The following RAPSN variants were observed in gnomAD, a reference collection of about 807,000 sequenced individuals.
RAPSN encodes the protein 43 kDa receptor-associated protein of the synapse.
RAPSN carries 33 observed loss-of-function variants against 45.7 expected under a neutral mutation model. The observed-to-expected ratio is 0.72, with a 90% CI of 0.55 to 0.97. The LOEUF (loss-of-function observed/expected upper bound fraction) is 0.97, where lower values mean the gene tolerates loss of function less well. Among genes scored for constraint, RAPSN ranks in the 50% least tolerant of loss-of-function variants. The pLI is 0.00. For synonymous variants in RAPSN, 244 were observed against 233.6 expected (o/e 1.04, Z -0.40); for missense variants, 519 against 559.4 (o/e 0.93, Z 0.73).
chr11:47,439,987 G>A (rs951690878), intron 6 of RAPSN, among the ~76,000 whole-genome samples: 33 of 152,054 alleles, frequency 2.2e-4, no homozygotes, highest in Non-Finnish European at 1.3e-4. Context: ...ACCGCACCCG[G>A]CCTTGGTTTT....
rs1297914613 is a variant in RAPSN, at chr11:47,441,883, T to C, written c.729A>G (p.Pro243=). The change falls in exon 4 of 8, where the codon CCA becomes CCG. Residue 243 remains proline (P), a synonymous_variant. Transcript: ENST00000298854. ...AGCAGAGCAGGCAGAGCGCCTGCAGTGGCCGGTCCCCGTGCTGCAGCGCGA... is the reference window on the plus strand; with the variant it reads ...AGCAGAGCAGGCAGAGCGCCTGCAGCGGCCGGTCCCCGTGCTGCAGCGCGA... The part of the protein sequence containing the change: ...MKIALQHGDR[P]LQALCLLCFA... 5.0e-6 allele frequency: 8 copies of C among 1,594,242 alleles called. No homozygotes were observed. In the African/African-American group the frequency reaches 6.7e-5, roughly 13 times the overall value.
intron 5 of RAPSN, 113 bp downstream of exon 5, chr11:47,441,498 G>A (rs1237992701): frequency 6.5e-7 from 1 of 1,542,136 alleles, no homozygotes; most frequent in South Asian, 1.2e-5. Context: ...TGGCCTCGTA[G>A]GATCAGGGTG....
chr11:47,439,486 A>G (rs2076346264), intron 6 of RAPSN, among the ~76,000 whole-genome samples: 1 of 151,948 alleles, frequency 6.6e-6, no homozygotes, highest in Non-Finnish European at 1.5e-5. Context: ...AAAAAAAATA[A>G]TAATTAATCT....
chr11:47,447,094 G>A (rs1047827632), intron 2 of RAPSN, among the ~76,000 whole-genome samples: 2 of 152,112 alleles, frequency 1.3e-5, no homozygotes, highest in Admixed American at 6.6e-5. Flanking sequence ...CCAGGGTCCA[G>A]CTTGGCTTTA....
chr11:47,442,833 G>A lies in RAPSN; in HGVS notation c.532-19C>T, dbSNP rs1422983787. On this transcript the variant is annotated intron_variant, in intron 2 of 7. Coordinates refer to ENST00000298854, the MANE Select transcript of RAPSN (RefSeq NM_005055.5). ...CGTAGTCCTGCAGGGGACATGGAAT[G>A]GAAGGAGGCAAACTGAGTGGCAGAG... 2.5e-6 allele frequency: 4 copies of A among 1,613,278 alleles called. No individual in the cohort carries two copies. Among genetic ancestry groups the A allele is most frequent in the Admixed American group, 1.7e-5 (1 of 60,022 alleles).
intron 2 of RAPSN, among the ~76,000 whole-genome samples, chr11:47,445,465 G>A (rs1270843764): frequency 2.0e-5 from 3 of 147,838 alleles, no homozygotes; most frequent in Non-Finnish European, 4.5e-5. Context: ...GCATAGTGGC[G>A]TGTGCCGGTA....
intron 2 of RAPSN, among the ~76,000 whole-genome samples, chr11:47,443,769 C>A (rs1293227359): frequency 6.6e-6 from 1 of 151,290 alleles, no homozygotes; most frequent in Admixed American, 6.6e-5. Context: ...CCTGTCTCTA[C>A]AAAAATAAAA....
chr11:47,442,751 C>A lies in RAPSN; in HGVS notation c.595G>T (p.Gly199Cys). 1 of 1,614,290 alleles carries A rather than the reference C, an allele frequency of 6.2e-7. No individual in the cohort carries two copies. The highest frequency in any genetic ancestry group is 1.1e-5 in the South Asian group (1 of 91,090). The change falls in exon 3 of 8, where the codon GGC (glycine) becomes TGC (cysteine). Residue 199 changes from glycine to cysteine, a missense_variant. Physicochemically the swap from Gly to Cys is radical, Grantham distance 159. Coordinates refer to ENST00000298854, the MANE Select transcript of RAPSN (RefSeq NM_005055.5). ...AAELVNNYGK[G>C]WSLKYRAMSQ... ...ATGGCCCGGTACTTCAGGCTCCAGCCTTTGCCATAGTTGTTGACAAGCTCT... is the reference window on the plus strand; with the variant it reads ...ATGGCCCGGTACTTCAGGCTCCAGCATTTGCCATAGTTGTTGACAAGCTCT...
At chr11:47,438,429 T>G (rs991460731) in intron 7 of RAPSN, 7 of 567,648 alleles carry the variant, frequency 1.2e-5, no homozygotes, top group Non-Finnish European at 2.2e-5. Context: ...TTCAAGTGAT[T>G]CTCCTGCCTC....
chr11:47,448,214 G>A (rs2076426075), intron 1 of RAPSN, 64 bp from the exon 2 acceptor site: 1 of 1,551,810 alleles, frequency 6.4e-7, no homozygotes. Flanking sequence ...ACCCCAGCCT[G>A]CACTGCAGGC....
At position 47,441,691 on chromosome 11, in the gene RAPSN, C is replaced by T. The variant is rs1418635230; in HGVS notation, c.832G>A (p.Glu278Lys). 7.5e-6 allele frequency: 12 copies of T among 1,609,702 alleles called. No homozygotes were observed. The East Asian group carries it at 2.7e-4, about 36-fold the overall frequency. The change falls in exon 5 of 8, where the codon GAG (glutamate) becomes AAG (lysine). Residue 278 changes from glutamate to lysine, a missense_variant. Glu to Lys is a moderately conservative substitution (Grantham distance 56). Coordinates refer to ENST00000298854, the MANE Select transcript of RAPSN (RefSeq NM_005055.5). Reference sequence around the variant, plus strand: ...ACCTGCCCCAGGCGGTTTCCGATCTCGGTCATGATGCTCATGGCGGAGTCG... The same window carrying T: ...ACCTGCCCCAGGCGGTTTCCGATCTTGGTCATGATGCTCATGGCGGAGTCG... ...RYDSAMSIMT[E>K]IGNRLGQVQA...
rs2076428705 is a variant in RAPSN at position 47,448,501 on chromosome 11, T to C, written c.192+272A>G. On this transcript the variant is annotated intron_variant, in intron 1 of 7. Transcript: ENST00000298854. ...CAGACAGGAAGGCTGAAACCTACAA[T>C]GGGCTTGAGACCCACAAACCCTCGA... 5.5e-5 allele frequency among the ~76,000 whole-genome samples: 7 copies of C among 127,812 alleles called. No homozygotes were observed. The Admixed American group carries it at 7.1e-4, about 13-fold the overall frequency. 83.8% of individuals were successfully genotyped at this position (127,812 alleles called of 152,430 possible).
rs2076432806 is a variant in RAPSN at position 47,448,917 on chromosome 11, C to T, written c.48G>A (p.Leu16=). 4 of 1,614,234 alleles carry T rather than the reference C, an allele frequency of 2.5e-6. No homozygotes were observed. The highest frequency in any genetic ancestry group is 3.4e-6 in the Non-Finnish European group (4 of 1,180,038). The change falls in exon 1 of 8, where the codon CTG becomes CTA. Residue 16 remains leucine (L), a synonymous_variant. Coordinates refer to ENST00000298854, the MANE Select transcript of RAPSN (RefSeq NM_005055.5). ...TKQQIEKGLQ[L]YQSNQTEKAL... ...CCTTCTCTGTCTGGTTGGACTGGTA[C>T]AGCTGGAGCCCCTTCTCGATCTGCT...
rs183974908 is a variant in RAPSN at position 47,442,637 on chromosome 11, C to T, written c.690+19G>A. The T allele has an allele frequency of 4.3e-5, 70 of 1,613,224 alleles. 1 individual carries two copies. The Admixed American group carries it at 5.5e-4, about 13-fold the overall frequency. On this transcript the variant is annotated intron_variant, in intron 3 of 7. Coordinates refer to ENST00000298854, the MANE Select transcript of RAPSN (RefSeq NM_005055.5). Reference sequence around the variant, plus strand: ...CACACCACCTCATCCCCGACCTGCCCCCTTCCCCGCTGCCCCACCTCACAA... The same window carrying T: ...CACACCACCTCATCCCCGACCTGCCTCCTTCCCCGCTGCCCCACCTCACAA...
At position 47,438,772 on chromosome 11, in the gene RAPSN, G is replaced by A. The variant is rs145507075; in HGVS notation, c.1126C>T (p.Arg376Trp). Reference protein sequence around the residue: ...CGESIGEKNSRLQALPCSHIF... With the variant: ...CGESIGEKNSWLQALPCSHIF... Reference sequence around the variant, plus strand: ...TGGGAGCAAGGTAGGGCCTGCAGCCGGCTGTTCTTCTCGCCTATGGACTCG... The same window carrying A: ...TGGGAGCAAGGTAGGGCCTGCAGCCAGCTGTTCTTCTCGCCTATGGACTCG... Residue 376 changes from arginine to tryptophan, a missense_variant, in exon 7 of 8, where the codon CGG (arginine) becomes TGG (tryptophan). By Grantham distance (101) the Arg-to-Trp change is moderately radical. Coordinates refer to ENST00000298854, the MANE Select transcript of RAPSN (RefSeq NM_005055.5). 5.0e-5 allele frequency: 79 copies of A among 1,565,436 alleles called. No individual in the cohort carries two copies. Among genetic ancestry groups the A allele is most frequent in the Non-Finnish European group, 6.3e-5 (72 of 1,151,196 alleles).
At chr11:47,440,077 TA>T (rs763044342) in intron 6 of RAPSN, among the ~76,000 whole-genome samples, 1 of 152,140 alleles carries the variant, frequency 6.6e-6, no homozygotes, top group African/African-American at 2.4e-5. Context: ...TAGATACCAT[TA>T]TTAAATTTGG....
At chr11:47,448,217 C>A in intron 1 of RAPSN, 67 bp from the exon 2 acceptor site, 1 of 1,518,582 alleles carries the variant, frequency 6.6e-7, no homozygotes, top group East Asian at 2.3e-5. Flanking sequence ...CCAGCCTGCA[C>A]TGCAGGCTCA....
chr11:47,446,991 T>G (rs1282821213), intron 2 of RAPSN, among the ~76,000 whole-genome samples: 2 of 151,920 alleles, frequency 1.3e-5, no homozygotes, highest in African/African-American at 4.8e-5. Flanking sequence ...TCCTCTCACC[T>G]CCCTACCTCC....
Position 47,442,842 on chromosome 11 carries a change from C to G in RAPSN, c.532-28G>C, listed in dbSNP as rs761094937. 10 of 1,612,430 alleles carry G rather than the reference C, an allele frequency of 6.2e-6. No homozygotes were observed. The South Asian group carries it at 1.1e-4, about 18-fold the overall frequency. On this transcript the variant is annotated intron_variant, in intron 2 of 7. Transcript: ENST00000298854. ...GCAGGGGACATGGAATGGAAGGAGG[C>G]AAACTGAGTGGCAGAGGCTGCCCCA...
Sources: allele counts gnomAD v4.1 joint callset (sites outside exome capture counted in the v4.1 genomes callset), GRCh38; gene constraint gnomAD v4.1.1; transcripts MANE v1.5; gene names NCBI Gene and HGNC (gene_info 2026-07-23, HGNC 2026-07-21).